Variants in DMC1 observed in about 807,000 individuals in gnomAD.
The protein encoded by DMC1 is meiotic recombination protein DMC1 homolog.
A neutral mutation model predicts 50.1 loss-of-function variants in DMC1; 27 were observed. The observed-to-expected ratio is 0.54, with a 90% CI of 0.40 to 0.74. The LOEUF (loss-of-function observed/expected upper bound fraction) is 0.74, where lower values mean the gene tolerates loss of function less well. Ranked by LOEUF, DMC1 falls within the 30% of genes least tolerant of loss-of-function variation. The pLI, the probability that DMC1 is intolerant of heterozygous loss-of-function variation, is 0.00. For missense variants in DMC1, 295 were observed against 420.2 expected (o/e 0.70, Z 2.60); for synonymous variants, 148 against 136.1 (o/e 1.09, Z -0.61).
At chr22:38,567,341 T>C (rs1200760510) in intron 3 of DMC1, among the ~76,000 whole-genome samples, 2 of 152,230 alleles carry the variant, frequency 1.3e-5, no homozygotes, top group African/African-American at 4.8e-5. Flanking sequence ...TCGCCTGACA[T>C]ATAGAACTTA....
chr22:38,569,557 G>C (rs1471187397), intron 1 of DMC1, among the ~76,000 whole-genome samples: 1 of 152,092 alleles, frequency 6.6e-6, no homozygotes, highest in Non-Finnish European at 1.5e-5. Context: ...CACATTTACT[G>C]TCCCCATCGA....
At chr22:38,545,994 A>G (rs1020388822) in intron 8 of DMC1, 1 of 152,320 alleles carries the variant, frequency 6.6e-6, no homozygotes, top group Non-Finnish European at 1.5e-5. Flanking sequence ...GAACACTCCA[A>G]TGTGGCCCTT....
At chr22:38,560,408 T>C (rs1021485551) in intron 5 of DMC1, among the ~76,000 whole-genome samples, 1 of 150,568 alleles carries the variant, frequency 6.6e-6, no homozygotes, top group African/African-American at 2.4e-5. Flanking sequence ...GACTTTGGCT[T>C]CTTTTCTGAG....
intron 5 of DMC1, among the ~76,000 whole-genome samples, chr22:38,561,167 C>CTG (rs2090523721): frequency 6.6e-6 from 1 of 151,726 alleles, no homozygotes; most frequent in Non-Finnish European, 1.5e-5. Flanking sequence ...ACCATCACAC[C>CTG]CAGCTAATTA....
At chr22:38,568,398 T>TACTC in intron 1 of DMC1, 109 bp from the exon 2 acceptor site, 1 of 804,156 alleles carries the variant, frequency 1.2e-6, no homozygotes, top group Non-Finnish European at 2.1e-6. Flanking sequence ...GCATTTAGCT[T>TACTC]GGAAAGATGA....
chr22:38,563,475 A>G (rs2090549463), intron 4 of DMC1, among the ~76,000 whole-genome samples: 1 of 152,164 alleles, frequency 6.6e-6, no homozygotes. Flanking sequence ...ATCAGTGTTT[A>G]GAACCACCGT....
intron 12 of DMC1, among the ~76,000 whole-genome samples, chr22:38,535,165 G>T (rs2090196849): frequency 6.6e-6 from 1 of 151,972 alleles, no homozygotes; most frequent in Non-Finnish European, 1.5e-5. Flanking sequence ...CGGGTGTGGT[G>T]GTAGGTGCCT....
intron 8 of DMC1, among the ~76,000 whole-genome samples, chr22:38,543,917 T>C (rs942240619): frequency 3.9e-5 from 6 of 152,138 alleles, no homozygotes; most frequent in African/African-American, 9.7e-5. Context: ...GACTGTGCAG[T>C]CCAACCCTAG....
chr22:38,555,296 A>C, intron 6 of DMC1, 61 bp downstream of exon 6: 1 of 1,069,944 alleles, frequency 9.3e-7, no homozygotes, highest in Non-Finnish European at 1.4e-6. Context: ...ATGTATACAC[A>C]TAGATGTGTA....
chr22:38,529,653 C>T (rs2090133714), intron 12 of DMC1, among the ~76,000 whole-genome samples: 1 of 152,140 alleles, frequency 6.6e-6, no homozygotes, highest in Non-Finnish European at 1.5e-5. Context: ...GAAGATGGTA[C>T]AGTGAGGTTC....
intron 7 of DMC1, among the ~76,000 whole-genome samples, chr22:38,550,696 C>G (rs1878356081): frequency 6.7e-6 from 1 of 149,358 alleles, no homozygotes; most frequent in African/African-American, 2.4e-5. Context: ...TTTGGGAGGC[C>G]AAGGTGGGTG....
At chr22:38,553,497 C>CA (rs372645739) in intron 6 of DMC1, among the ~76,000 whole-genome samples, 1,961 of 46,366 alleles carry the variant, frequency 0.042, 55 homozygotes, top group African/African-American at 0.11. Context: ...GACTCCGTCT[C>CA]AAAAAAAAAA....
chr22:38,510,217 G>A, the DMC1 span, among the ~76,000 whole-genome samples: 1 of 152,002 alleles, frequency 6.6e-6, no homozygotes, highest in African/African-American at 2.4e-5. Flanking sequence ...ACTTTGCGGG[G>A]CTGAGGTGGG....
the DMC1 span, among the ~76,000 whole-genome samples, chr22:38,513,458 G>C: frequency 1.3e-5 from 2 of 152,248 alleles, no homozygotes; most frequent in Admixed American, 1.3e-4. Flanking sequence ...TAACAAGCCA[G>C]GGTCAGTTGA....
Position 38,519,937 on chromosome 22 carries a change from T to C in DMC1, c.*83A>G. The C allele has an allele frequency of 2.6e-6, 3 of 1,156,476 alleles. No individual in the cohort carries two copies. Among genetic ancestry groups the C allele is most frequent in the Non-Finnish European group, 3.9e-6 (3 of 767,916 alleles). The allele number at this position is 1,156,476 out of a possible 1,614,324, so 71.6% of individuals were successfully genotyped here. On this transcript the variant is annotated 3_prime_UTR_variant, in exon 14 of 14. Coordinates refer to ENST00000216024, the MANE Select transcript of DMC1 (RefSeq NM_007068.4). Reference sequence around the variant, plus strand: ...GTAACATGTGGGAAAAAACCTCTATTTCAAGATGTGAAATTGGAGACTGCT... The same window carrying C: ...GTAACATGTGGGAAAAAACCTCTATCTCAAGATGTGAAATTGGAGACTGCT...
intron 12 of DMC1, among the ~76,000 whole-genome samples, chr22:38,523,198 A>T (rs904668811): frequency 2.0e-5 from 3 of 152,230 alleles, no homozygotes; most frequent in African/African-American, 7.2e-5. Flanking sequence ...AGTTGAGACT[A>T]ACGGCGGCAG....
intron 1 of DMC1, among the ~76,000 whole-genome samples, chr22:38,569,077 G>T (rs902094394): frequency 2.0e-5 from 3 of 151,724 alleles, no homozygotes; most frequent in Non-Finnish European, 4.4e-5. Flanking sequence ...CCACCTACTT[G>T]GGAGGCTGAG....
chr22:38,522,095 G>A (rs2090035389), intron 12 of DMC1, among the ~76,000 whole-genome samples: 1 of 151,828 alleles, frequency 6.6e-6, no homozygotes, highest in Admixed American at 6.6e-5. Flanking sequence ...GGGATTACAG[G>A]TGCCCACCAC....
chr22:38,539,008 C>T (rs1471199054), intron 9 of DMC1, among the ~76,000 whole-genome samples: 1 of 151,646 alleles, frequency 6.6e-6, no homozygotes, highest in Non-Finnish European at 1.5e-5. Context: ...TGCACTCCAG[C>T]CTGAGTGACA....
Sources: gnomAD v4.1 joint callset for allele counts (sites outside exome capture counted in the v4.1 genomes callset) on GRCh38, gnomAD v4.1.1 for gene constraint, MANE v1.5 for transcripts, NCBI Gene and HGNC (gene_info 2026-07-23, HGNC 2026-07-21) for gene names.